The following MERTK variants were observed in gnomAD, a reference collection of about 807,000 sequenced individuals.
MERTK encodes the protein MER proto-oncogene, tyrosine kinase.
Under a neutral mutation model 99.3 loss-of-function variants are expected in MERTK, and 69 were observed. That is an observed-to-expected ratio of 0.70 (90% CI 0.57 to 0.85). The LOEUF is 0.85. Among genes scored for constraint, MERTK ranks in the 40% least tolerant of loss-of-function variants. The pLI, the probability that MERTK is intolerant of heterozygous loss-of-function variation, is 0.00. For missense variants in MERTK, 1,125 were observed against 1,249.4 expected (o/e 0.90, Z 1.50); for synonymous variants, 426 against 467.6 (o/e 0.91, Z 1.15).
intron 2 of MERTK, among the ~76,000 whole-genome samples, chr2:111,944,528 G>C (rs1684925354): frequency 2.0e-5 from 3 of 152,198 alleles, no homozygotes; most frequent in Non-Finnish European, 2.9e-5. Flanking sequence ...CTGTTTTAAG[G>C]AATTAGCTCA....
chr2:111,997,251 G>A (rs3811632), intron 9 of MERTK, 72 bp from the exon 10 acceptor site: 3 of 1,514,128 alleles, frequency 2.0e-6, no homozygotes, highest in East Asian at 4.5e-5. Context: ...TTGACTATTT[G>A]TTCTTCCCTG....
intron 7 of MERTK, among the ~76,000 whole-genome samples, chr2:111,977,915 G>A (rs1375424221): frequency 6.6e-6 from 1 of 151,748 alleles, no homozygotes; most frequent in Non-Finnish European, 1.5e-5. Context: ...CTAAGTTTTG[G>A]ACCATCCAGA....
At chr2:111,943,199 T>C (rs1481661176) in intron 2 of MERTK, among the ~76,000 whole-genome samples, 3 of 152,142 alleles carry the variant, frequency 2.0e-5, no homozygotes, top group Non-Finnish European at 2.9e-5. Context: ...AGGGATGAGA[T>C]TTATTTTGTT....
chr2:111,946,066 AG>A (rs1027652521), intron 3 of MERTK, among the ~76,000 whole-genome samples: 1 of 152,154 alleles, frequency 6.6e-6, no homozygotes, highest in Non-Finnish European at 1.5e-5. Flanking sequence ...GGGAAGCCTC[AG>A]GGAGCACAGA....
chr2:111,971,022 A>G (rs770977135), intron 6 of MERTK, among the ~76,000 whole-genome samples: 1 of 152,106 alleles, frequency 6.6e-6, no homozygotes, highest in African/African-American at 2.4e-5. Context: ...CAGATTTTCT[A>G]TTACTTCTTG....
chr2:111,902,168 A>G (rs907633404), intron 1 of MERTK, among the ~76,000 whole-genome samples: 6 of 152,244 alleles, frequency 3.9e-5, no homozygotes, highest in Middle Eastern at 3.2e-3. Context: ...TACAGGCATG[A>G]GCCACCACAC....
Position 111,941,747 on chromosome 2 carries a change from G to A in MERTK, c.483-3213G>A, listed in dbSNP as rs147796276. ...TCTTTGCTGTAATATAGGTGGCATGGGTCAGGCCTTGCTAATTAATGCAGG... is the reference window on the plus strand; with the variant it reads ...TCTTTGCTGTAATATAGGTGGCATGAGTCAGGCCTTGCTAATTAATGCAGG... On this transcript the variant is annotated intron_variant, in intron 2 of 18. Coordinates refer to ENST00000295408, the MANE Select transcript of MERTK (RefSeq NM_006343.3). Among the ~76,000 whole-genome samples the A allele has an allele frequency of 1.1e-3, 161 of 152,292 alleles. 1 individual carries two copies. The highest frequency in any genetic ancestry group is 5.6e-3 in the South Asian group (27 of 4,826).
chr2:112,015,146 T>G (rs1677191952), intron 15 of MERTK, among the ~76,000 whole-genome samples: 1 of 152,042 alleles, frequency 6.6e-6, no homozygotes, highest in Non-Finnish European at 1.5e-5. Flanking sequence ...GCTATAAAAT[T>G]CATGTACAGA....
At chr2:111,999,795 A>G (rs1285843586) in intron 10 of MERTK, among the ~76,000 whole-genome samples, 1 of 152,148 alleles carries the variant, frequency 6.6e-6, no homozygotes, top group Admixed American at 6.5e-5. Context: ...GCTGAGTCCG[A>G]AAAAGGAGTC....
At chr2:111,975,232 G>A in intron 6 of MERTK, 57 bp from the exon 7 acceptor site, 2 of 1,563,790 alleles carry the variant, frequency 1.3e-6, no homozygotes, top group African/African-American at 2.7e-5. Flanking sequence ...CAGGCCCCGT[G>A]CCTGACATTC....
At chr2:112,004,069 C>A in intron 13 of MERTK, 85 bp downstream of exon 13, 1 of 1,249,740 alleles carries the variant, frequency 8.0e-7, no homozygotes, top group Non-Finnish European at 1.2e-6. Flanking sequence ...ATGTCACAAT[C>A]TCAGTTCCCA....
At chr2:111,934,479 A>C (rs76440504) in intron 2 of MERTK, among the ~76,000 whole-genome samples, 1,878 of 152,260 alleles carry the variant, frequency 0.012, 41 homozygotes, top group African/African-American at 0.043. Flanking sequence ...ACCAATAATG[A>C]TGAGCTTTTT....
intron 13 of MERTK, 21 bp downstream of exon 13, chr2:112,004,005 C>T (rs759082369): frequency 3.8e-6 from 6 of 1,590,968 alleles, no homozygotes; most frequent in Admixed American, 1.7e-5. Flanking sequence ...AGTGATGAAT[C>T]CCATTCTTCT....
At chr2:111,962,835 C>G (rs1028011322) in intron 4 of MERTK, among the ~76,000 whole-genome samples, 2 of 152,106 alleles carry the variant, frequency 1.3e-5, no homozygotes, top group Non-Finnish European at 2.9e-5. Context: ...TTTGAATGAC[C>G]TTGACAGTGA....
At chr2:111,918,401 G>T (rs1684392071) in intron 1 of MERTK, among the ~76,000 whole-genome samples, 1 of 152,220 alleles carries the variant, frequency 6.6e-6, no homozygotes, top group Non-Finnish European at 1.5e-5. Context: ...GGAGTGGCAT[G>T]ATGGAAAAGT....
rs758562603 is a variant in MERTK, at chr2:111,975,389, A to G, written c.1061A>G (p.Asn354Ser). 1 of 1,614,168 alleles carries G rather than the reference A, an allele frequency of 6.2e-7. No individual in the cohort carries two copies. Among genetic ancestry groups the G allele is most frequent in the South Asian group, 1.1e-5 (1 of 91,084 alleles). Residue 354 changes from asparagine (N) to serine (S), a missense_variant, in exon 7 of 19, where the codon AAT (asparagine) becomes AGT (serine). By Grantham distance (46) the Asn-to-Ser change is conservative (BLOSUM62 1). Coordinates refer to ENST00000295408, the MANE Select transcript of MERTK (RefSeq NM_006343.3). ...YQIKQLQALA[N>S]YSIGVSCMNE... ...ATCAAGCAGCTGCAAGCCCTGGCTA[A>G]TTACAGCATTGGTGTTTCCTGCATG... is the stretch of plus-strand genomic sequence containing the variant.
chr2:111,991,926 C>T (rs1407913153), intron 8 of MERTK, among the ~76,000 whole-genome samples: 8 of 152,114 alleles, frequency 5.3e-5, no homozygotes, highest in African/African-American at 1.9e-4. Flanking sequence ...CGGTGAAAGA[C>T]GGTCTTTCGC....
intron 7 of MERTK, among the ~76,000 whole-genome samples, chr2:111,975,961 C>T (rs1676239032): frequency 6.6e-6 from 1 of 150,948 alleles, no homozygotes; most frequent in Non-Finnish European, 1.5e-5. Flanking sequence ...CCAACCCCGT[C>T]CCCAGCCTTT....
chr2:111,970,705 C>T (rs1372138752), intron 6 of MERTK, among the ~76,000 whole-genome samples: 1 of 136,608 alleles, frequency 7.3e-6, no homozygotes, highest in South Asian at 2.5e-4. Context: ...CCTCCTTCCA[C>T]CTCCCTCCTC....
Sources: allele counts gnomAD v4.1 joint callset (sites outside exome capture counted in the v4.1 genomes callset), GRCh38; gene constraint gnomAD v4.1.1; transcripts MANE v1.5; gene names NCBI Gene and HGNC (gene_info 2026-07-23, HGNC 2026-07-21).